GDAP2: variants seen among roughly 807,000 people sequenced by gnomAD.
GDAP2 encodes ganglioside induced differentiation associated protein 2.
GDAP2 carries 51 observed loss-of-function variants against 67.0 expected under a neutral mutation model. The ratio of observed to expected loss-of-function variants is 0.76; its 90% confidence interval spans 0.61 to 0.96. GDAP2 has a LOEUF of 0.96. Ranked by LOEUF, GDAP2 falls within the 40% of genes least tolerant of loss-of-function variation. The probability of loss-of-function intolerance (pLI) is 0.00; values close to 1 mark genes in which losing one functional copy is unlikely to be tolerated. For synonymous variants in GDAP2, 203 were observed against 207.3 expected, an observed-to-expected ratio of 0.98 and a Z score of 0.18; for missense variants, 547 against 588.3, an observed-to-expected ratio of 0.93 and a Z score of 0.73.
chr1:117,896,763 A>G (rs1259358519), intron 8 of GDAP2, 70 bp downstream of exon 8: 2 of 998,702 alleles, frequency 2.0e-6, no homozygotes, highest in Non-Finnish European at 3.0e-6. Flanking sequence ...TAGCTCATGC[A>G]TCAGATGCAA....
rs570279263 is a variant in GDAP2 at position 117,870,468 on chromosome 1, C to T, written c.*101G>A. On this transcript the variant is annotated 3_prime_UTR_variant, in exon 14 of 14. Transcript: ENST00000369443. The stretch of plus-strand genomic sequence containing the variant: ...ATACCAGAGAGGTGGGGACAAAAGG[C>T]TCTCTGGATCTGTACAGCAACAATG... 3.9e-5 allele frequency: 30 copies of T among 774,848 alleles called. 1 individual carries two copies. Among genetic ancestry groups the T allele is most frequent in the Admixed American group, 6.8e-5 (3 of 44,104 alleles). The allele number at this position is 774,848 out of a possible 1,614,324, so 48.0% of individuals were successfully genotyped here. A position where few individuals can be genotyped will look rare whatever the true frequency, so the allele number is the denominator to read the frequency against.
At position 117,867,500 on chromosome 1, in the gene GDAP2, C is replaced by T. The variant is rs1648109260; in HGVS notation, c.*3069G>A. ...GGTCAGGAGTTTGAGACCAGTCTGGCCAACATGGTGAAACCCTGTCTCTAC... is the reference window on the plus strand; with the variant it reads ...GGTCAGGAGTTTGAGACCAGTCTGGTCAACATGGTGAAACCCTGTCTCTAC... On this transcript the variant is annotated 3_prime_UTR_variant, in exon 14 of 14. Coordinates refer to ENST00000369443, the MANE Select transcript of GDAP2 (RefSeq NM_017686.4). 1.4e-5 allele frequency: 2 copies of T among 143,358 alleles called. No individual in the cohort carries two copies. Among genetic ancestry groups the T allele is most frequent in the Admixed American group, 7.4e-5 (1 of 13,532 alleles). 8.9% of individuals were successfully genotyped at this position (143,358 alleles called of 1,614,324 possible). A position where few individuals can be genotyped will look rare whatever the true frequency, so the allele number is the denominator to read the frequency against.
intron 1 of GDAP2, among the ~76,000 whole-genome samples, chr1:117,922,624 G>GC (rs893514350): frequency 1.3e-5 from 2 of 152,120 alleles, no homozygotes; most frequent in Non-Finnish European, 2.9e-5. Context: ...GTTCCATGAT[G>GC]CCCCCCAAGC....
At chr1:117,908,827 A>AT (rs1570986936) in intron 5 of GDAP2, among the ~76,000 whole-genome samples, 1 of 149,246 alleles carries the variant, frequency 6.7e-6, no homozygotes, top group South Asian at 2.2e-4. Context: ...TCTATCTCAA[A>AT]AAAATAAATA....
In GDAP2 at chr1:117,897,082, C is replaced by G. The variant is rs541342897; in HGVS notation, c.797-93G>C. The stretch of plus-strand genomic sequence containing the variant: ...TGCAGTAAGGATGACAGTGAGGTAA[C>G]TCAAAAAACTGGGGTCAAGGTTATT... On this transcript the variant is annotated intron_variant, in intron 7 of 13. Transcript: ENST00000369443. 2.5e-5 allele frequency: 20 copies of G among 798,068 alleles called. No homozygotes were observed. In the African/African-American group the frequency reaches 3.3e-4, roughly 13 times the overall value. 49.4% of individuals were successfully genotyped at this position (798,068 alleles called of 1,614,324 possible).
rs1271936238 is a variant in GDAP2, at chr1:117,868,441, T to G, written c.*2128A>C. ...ATATGTAGAATCCTGCTTGTGTTAC[T>G]AAACATTAATATACTGGTATGAATA... On this transcript the variant is annotated 3_prime_UTR_variant, in exon 14 of 14. Transcript: ENST00000369443. 6.6e-6 allele frequency: 1 copy of G among 152,190 alleles called. No homozygotes were observed. Among genetic ancestry groups the G allele is most frequent in the Non-Finnish European group, 1.5e-5 (1 of 68,032 alleles). 9.4% of individuals were successfully genotyped at this position (152,190 alleles called of 1,614,324 possible).
intron 6 of GDAP2, among the ~76,000 whole-genome samples, chr1:117,900,843 G>A (rs1428681100): frequency 6.6e-6 from 1 of 150,884 alleles, no homozygotes; most frequent in Non-Finnish European, 1.5e-5. Context: ...GACAGATCAC[G>A]AAGTCAGGAG....
At position 117,863,960 on chromosome 1, in the gene GDAP2, C is replaced by T. The variant is rs1316777271; in HGVS notation, c.*6609G>A. 1.3e-5 allele frequency: 2 copies of T among 152,116 alleles called. No individual in the cohort carries two copies. The highest frequency in any genetic ancestry group is 2.1e-4 in the South Asian group (1 of 4,830). The allele number at this position is 152,116 out of a possible 1,614,324, so 9.4% of individuals were successfully genotyped here. On this transcript the variant is annotated 3_prime_UTR_variant, in exon 14 of 14. Transcript: ENST00000369443. ...ATTAATATTATCCCTGTTGAATACA[C>T]AAAAACACTGAGGTTCAGAAAAAGT...
At chr1:117,913,152 G>C (rs1156362261) in intron 3 of GDAP2, among the ~76,000 whole-genome samples, 1 of 152,138 alleles carries the variant, frequency 6.6e-6, no homozygotes, top group African/African-American at 2.4e-5. Context: ...ATTTAAGAGG[G>C]ATACTAGTAG....
intron 10 of GDAP2, among the ~76,000 whole-genome samples, chr1:117,884,272 G>T (rs1190399573): frequency 6.6e-6 from 1 of 152,232 alleles, no homozygotes; most frequent in East Asian, 1.9e-4. Context: ...AATTTAATGT[G>T]ACCCAGATTG....
chr1:117,919,176 C>T (rs1170371938), intron 2 of GDAP2, among the ~76,000 whole-genome samples: 5 of 152,060 alleles, frequency 3.3e-5, no homozygotes, highest in Admixed American at 3.3e-4. Flanking sequence ...AAATCAAGAC[C>T]ATCCTGGCTG....
intron 9 of GDAP2, among the ~76,000 whole-genome samples, chr1:117,887,229 C>A (rs1452617524): frequency 5.3e-5 from 8 of 152,088 alleles, no homozygotes; most frequent in Non-Finnish European, 8.8e-5. Flanking sequence ...GATGCCCAGC[C>A]CCCAAAAACT....
intron 3 of GDAP2, among the ~76,000 whole-genome samples, chr1:117,915,746 T>C (rs1004197985): frequency 7.9e-5 from 12 of 152,214 alleles, no homozygotes; most frequent in Middle Eastern, 3.2e-3. Context: ...AATATAAGAC[T>C]GATTTTTTTC....
At chr1:117,878,872 G>A (rs1648557260) in intron 12 of GDAP2, among the ~76,000 whole-genome samples, 1 of 152,140 alleles carries the variant, frequency 6.6e-6, no homozygotes, top group Non-Finnish European at 1.5e-5. Flanking sequence ...ATTAGTCCAT[G>A]TTTATCAACA....
chr1:117,925,740 C>T (rs890093380), intron 1 of GDAP2, among the ~76,000 whole-genome samples: 4 of 152,092 alleles, frequency 2.6e-5, no homozygotes, highest in Admixed American at 2.0e-4. Flanking sequence ...GACTCTGAAC[C>T]AGTTTTTTAA....
intron 7 of GDAP2, among the ~76,000 whole-genome samples, chr1:117,898,778 T>C (rs575542652): frequency 6.6e-5 from 10 of 152,324 alleles, no homozygotes; most frequent in African/African-American, 2.2e-4. Context: ...ATCTCAACAG[T>C]GTTCTGCATG....
Position 117,870,411 on chromosome 1 carries a change from T to C in GDAP2, c.*158A>G, listed in dbSNP as rs1648215621. On this transcript the variant is annotated 3_prime_UTR_variant, in exon 14 of 14. Transcript: ENST00000369443. ...AATGGCCTACCATTTTTAGATTGCT[T>C]ATGTGCCAGAAAATATACAGTCAAT... 1 of 627,016 alleles carries C rather than the reference T, an allele frequency of 1.6e-6. No homozygotes were observed. Among genetic ancestry groups the C allele is most frequent in the Non-Finnish European group, 2.9e-6 (1 of 350,098 alleles). 38.8% of individuals were successfully genotyped at this position (627,016 alleles called of 1,614,324 possible). A position where few individuals can be genotyped will look rare whatever the true frequency, so the allele number is the denominator to read the frequency against.
chr1:117,892,704 C>A (rs909295375), intron 8 of GDAP2, among the ~76,000 whole-genome samples: 5 of 152,120 alleles, frequency 3.3e-5, no homozygotes, highest in Non-Finnish European at 7.4e-5. Context: ...ACACTGTTCT[C>A]ACAAAGCTAA....
intron 8 of GDAP2, among the ~76,000 whole-genome samples, chr1:117,891,122 T>A (rs546696147): frequency 1.4e-4 from 21 of 150,182 alleles, no homozygotes; most frequent in Admixed American, 1.3e-3. Flanking sequence ...ATGGCATACT[T>A]AATCTGTATA....
Sources: allele counts gnomAD v4.1 joint callset (sites outside exome capture counted in the v4.1 genomes callset), GRCh38; gene constraint gnomAD v4.1.1; transcripts MANE v1.5; gene names NCBI Gene and HGNC (gene_info 2026-07-23, HGNC 2026-07-21).